Variants in LHFPL2 observed in about 807,000 individuals in gnomAD.
LHFPL2 encodes LHFPL tetraspan subfamily member 2.
LHFPL2 carries 7 observed loss-of-function variants against 17.5 expected under a neutral mutation model. That is an observed-to-expected ratio of 0.40 (90% CI 0.23 to 0.75). The LOEUF is 0.75. Among genes scored for constraint, LHFPL2 ranks in the 30% least tolerant of loss-of-function variants. The pLI, the probability that LHFPL2 is intolerant of heterozygous loss-of-function variation, is 0.37. For missense variants in LHFPL2, 241 were observed against 294.8 expected (o/e 0.82, Z 1.34); for synonymous variants, 134 against 116.2 (o/e 1.15, Z -0.99).
intron 2 of LHFPL2, among the ~76,000 whole-genome samples, chr5:78,617,901 G>T (rs1297273347): frequency 1.7e-5 from 2 of 120,754 alleles, no homozygotes; most frequent in Non-Finnish European, 1.8e-5. Flanking sequence ...CAGGCATCAT[G>T]ACCCTTAAAA....
intron 3 of LHFPL2, among the ~76,000 whole-genome samples, chr5:78,558,803 G>GA (rs1442755333): frequency 6.6e-6 from 1 of 152,140 alleles, no homozygotes; most frequent in Non-Finnish European, 1.5e-5. Context: ...TCCACCGAGG[G>GA]AAAACATGCA....
chr5:78,642,496 C>A (rs1745704116), intron 1 of LHFPL2, among the ~76,000 whole-genome samples: 1 of 152,134 alleles, frequency 6.6e-6, no homozygotes, highest in Admixed American at 6.5e-5. Context: ...GCTTGATGGA[C>A]AATCAAGCCA....
At chr5:78,585,406 A>C (rs979421202) in intron 2 of LHFPL2, among the ~76,000 whole-genome samples, 3 of 151,932 alleles carry the variant, frequency 2.0e-5, no homozygotes, top group African/African-American at 7.3e-5. Flanking sequence ...TTGACTAGGA[A>C]AGGGAACTCC....
At chr5:78,557,921 C>G (rs1222766538) in intron 3 of LHFPL2, among the ~76,000 whole-genome samples, 1 of 152,086 alleles carries the variant, frequency 6.6e-6, no homozygotes, top group Non-Finnish European at 1.5e-5. Flanking sequence ...ACGGTTCCAC[C>G]CAGCATCAGA....
chr5:78,583,933 A>T (rs1380083992), intron 2 of LHFPL2, among the ~76,000 whole-genome samples: 1 of 151,744 alleles, frequency 6.6e-6, no homozygotes, highest in Non-Finnish European at 1.5e-5. Flanking sequence ...TCAGACGTAG[A>T]TTTGGTCTTT....
intron 2 of LHFPL2, among the ~76,000 whole-genome samples, chr5:78,571,700 C>T (rs968347216): frequency 1.1e-4 from 16 of 152,210 alleles, no homozygotes; most frequent in African/African-American, 3.6e-4. Flanking sequence ...ATCTCCTTCC[C>T]TGACCACCCT....
intron 3 of LHFPL2, among the ~76,000 whole-genome samples, chr5:78,558,636 G>A (rs989678928): frequency 1.3e-5 from 2 of 152,126 alleles, no homozygotes; most frequent in South Asian, 2.1e-4. Context: ...TCTGTGCCAG[G>A]CTTATACATT....
intron 2 of LHFPL2, among the ~76,000 whole-genome samples, chr5:78,629,369 C>T (rs1441428471): frequency 2.6e-5 from 4 of 152,188 alleles, no homozygotes; most frequent in Non-Finnish European, 5.9e-5. Context: ...GTAGGTAAGA[C>T]AAACTGGTCA....
In LHFPL2 at chr5:78,567,276, A is replaced by T. The variant is rs182877655; in HGVS notation, c.-244-2405T>A. ...ATTAAGCTTTTCTGACAAAGAAGTA[A>T]TATCTTGTGAAACCACCAGAGTAGT... On this transcript the variant is annotated intron_variant, in intron 2 of 4. Transcript: ENST00000380345. Among the ~76,000 whole-genome samples, 567 of 152,352 alleles carry T rather than the reference A, an allele frequency of 3.7e-3. 3 individuals carry two copies. The highest frequency in any genetic ancestry group is 9.5e-3 in the South Asian group (46 of 4,832).
At chr5:78,603,471 T>TA (rs1744097686) in intron 2 of LHFPL2, among the ~76,000 whole-genome samples, 1 of 152,094 alleles carries the variant, frequency 6.6e-6, no homozygotes. Flanking sequence ...AAATGGGAAC[T>TA]AGCAACATGG....
At chr5:78,599,475 A>ATT (rs34830490) in intron 2 of LHFPL2, among the ~76,000 whole-genome samples, 2 of 143,348 alleles carry the variant, frequency 1.4e-5, no homozygotes, top group Admixed American at 7.1e-5. Context: ...AATTTTTTGT[A>ATT]TTTTTTTTTT....
chr5:78,644,658 T>C, intron 1 of LHFPL2: 2 of 322,654 alleles, frequency 6.2e-6, no homozygotes, highest in South Asian at 3.9e-5. Flanking sequence ...TGTCCATCTT[T>C]GACATGTCTT....
intron 2 of LHFPL2, among the ~76,000 whole-genome samples, chr5:78,631,672 A>G (rs1000443327): frequency 5.9e-5 from 9 of 152,242 alleles, no homozygotes; most frequent in African/African-American, 2.2e-4. Context: ...GTGGTGGGTT[A>G]TGCCTGTAAT....
chr5:78,527,248 G>T (rs1338992576), intron 3 of LHFPL2, among the ~76,000 whole-genome samples: 1 of 151,998 alleles, frequency 6.6e-6, no homozygotes, highest in Non-Finnish European at 1.5e-5. Flanking sequence ...AAACGCCTTG[G>T]AGACAGGAAA....
At position 78,510,301 on chromosome 5, in the gene LHFPL2, G is replaced by A. The variant is rs1050764353; in HGVS notation, c.-88C>T. 9.9e-6 allele frequency: 13 copies of A among 1,311,742 alleles called. No homozygotes were observed. Among genetic ancestry groups the A allele is most frequent in the Admixed American group, 8.3e-5 (3 of 36,200 alleles). The allele number at this position is 1,311,742 out of a possible 1,614,324, so 81.3% of individuals were successfully genotyped here. On this transcript the variant is annotated 5_prime_UTR_variant, in exon 4 of 5. Coordinates refer to ENST00000380345, the MANE Select transcript of LHFPL2 (RefSeq NM_005779.3). ...GTGGGGAAGGAGGCTCGGGCGGCCCGGGAAGGAAGTCGCAGCTGCAGTCAT... is the reference window on the plus strand; with the variant it reads ...GTGGGGAAGGAGGCTCGGGCGGCCCAGGAAGGAAGTCGCAGCTGCAGTCAT...
intron 3 of LHFPL2, among the ~76,000 whole-genome samples, chr5:78,559,557 T>C (rs938125374): frequency 1.3e-5 from 2 of 152,182 alleles, no homozygotes; most frequent in Admixed American, 1.3e-4. Context: ...AATTAGAAAA[T>C]GACAAAAAGA....
At chr5:78,633,328 C>T (rs1377983214) in intron 1 of LHFPL2, among the ~76,000 whole-genome samples, 1 of 152,256 alleles carries the variant, frequency 6.6e-6, no homozygotes, top group Non-Finnish European at 1.5e-5. Flanking sequence ...GCCAGGCAGA[C>T]ACCAGCTCAG....
chr5:78,638,159 C>T (rs1473273059), intron 1 of LHFPL2, among the ~76,000 whole-genome samples: 3 of 152,118 alleles, frequency 2.0e-5, no homozygotes, highest in African/African-American at 7.2e-5. Flanking sequence ...TTGAGACCAT[C>T]CTGGCTAACA....
At chr5:78,587,968 T>C (rs1743485870) in intron 2 of LHFPL2, among the ~76,000 whole-genome samples, 1 of 152,186 alleles carries the variant, frequency 6.6e-6, no homozygotes, top group East Asian at 1.9e-4. Context: ...TCTCTGCCCC[T>C]CCCTCCGGTG....
Sources: gnomAD v4.1 joint callset for allele counts (sites outside exome capture counted in the v4.1 genomes callset) on GRCh38, gnomAD v4.1.1 for gene constraint, MANE v1.5 for transcripts, NCBI Gene and HGNC (gene_info 2026-07-23, HGNC 2026-07-21) for gene names.